SPAG16: variants seen among roughly 807,000 people sequenced by gnomAD.
SPAG16 encodes the protein sperm-associated antigen 16 protein.
In SPAG16, 86 loss-of-function variants were observed where a neutral mutation model predicts 80.4. That is an observed-to-expected ratio of 1.07 (90% CI 0.90 to 1.28). The LOEUF is 1.28. SPAG16 is among the 50% of genes most tolerant of loss of function. The pLI, the probability that SPAG16 is intolerant of heterozygous loss-of-function variation, is 0.00. For missense variants in SPAG16, 870 were observed against 765.3 expected, an observed-to-expected ratio of 1.14 and a Z score of -1.61; for synonymous variants, 294 against 265.9, an observed-to-expected ratio of 1.11 and a Z score of -1.03.
intron 9 of SPAG16, among the ~76,000 whole-genome samples, chr2:213,388,907 A>G (rs1429501131): frequency 6.6e-6 from 1 of 151,994 alleles, no homozygotes; most frequent in East Asian, 1.9e-4. Context: ...TTTTGCAAAA[A>G]CATAAAAACC....
At chr2:213,921,555 G>A (rs1415205444) in intron 11 of SPAG16, among the ~76,000 whole-genome samples, 4 of 152,130 alleles carry the variant, frequency 2.6e-5, no homozygotes, top group East Asian at 1.9e-4. Context: ...TCATATGTAC[G>A]AATTTGATCC....
chr2:214,168,045 C>T (rs1319203811), intron 15 of SPAG16, among the ~76,000 whole-genome samples: 2 of 143,518 alleles, frequency 1.4e-5, no homozygotes, highest in Admixed American at 1.5e-4. Context: ...GGCTAAAGTG[C>T]AGTGGTGCCA....
intron 9 of SPAG16, among the ~76,000 whole-genome samples, chr2:213,440,966 G>T (rs1209572127): frequency 6.6e-6 from 1 of 152,164 alleles, no homozygotes; most frequent in Non-Finnish European, 1.5e-5. Flanking sequence ...TTAAGCCCCA[G>T]CATAGGAGAA....
At chr2:214,134,965 C>A (rs560786284) in intron 14 of SPAG16, among the ~76,000 whole-genome samples, 1 of 152,296 alleles carries the variant, frequency 6.6e-6, no homozygotes, top group African/African-American at 2.4e-5. Flanking sequence ...ATAAAAATGA[C>A]ACCTTCCTGC....
At chr2:214,124,042 G>C (rs1172453639) in intron 14 of SPAG16, among the ~76,000 whole-genome samples, 2 of 151,846 alleles carry the variant, frequency 1.3e-5, no homozygotes, top group African/African-American at 4.8e-5. Context: ...CAGTATAGAA[G>C]CACTAATCAA....
At chr2:213,292,627 G>A (rs1198137972) in intron 1 of SPAG16, among the ~76,000 whole-genome samples, 1 of 140,642 alleles carries the variant, frequency 7.1e-6, no homozygotes, top group African/African-American at 2.7e-5. Flanking sequence ...TCCCGCCACT[G>A]CACTCCAGCC....
chr2:213,767,611 G>A (rs2069005826), intron 10 of SPAG16, among the ~76,000 whole-genome samples: 1 of 151,404 alleles, frequency 6.6e-6, no homozygotes, highest in Non-Finnish European at 1.5e-5. Context: ...CTGGGCAATG[G>A]AGTGAGATCT....
At chr2:214,085,837 G>A (rs1302282267) in intron 13 of SPAG16, among the ~76,000 whole-genome samples, 1 of 152,182 alleles carries the variant, frequency 6.6e-6, no homozygotes, top group Non-Finnish European at 1.5e-5. Context: ...CTAATATGAA[G>A]TGGACATGGT....
intron 10 of SPAG16, among the ~76,000 whole-genome samples, chr2:213,716,124 CT>C (rs1326495058): frequency 4.6e-5 from 7 of 152,026 alleles, no homozygotes; most frequent in African/African-American, 1.7e-4. Flanking sequence ...ACTTTTAGTT[CT>C]TTTTTTATCT....
At chr2:214,137,280 A>G (rs142671652) in intron 14 of SPAG16, among the ~76,000 whole-genome samples, 82 of 152,244 alleles carry the variant, frequency 5.4e-4, no homozygotes, top group Admixed American at 1.4e-3. Context: ...TCATTGAACT[A>G]CATATTTTTT....
In SPAG16 at chr2:213,822,867, G is replaced by T. The variant is rs565537321; in HGVS notation, c.1071-39618G>T. On this transcript the variant is annotated intron_variant, in intron 10 of 15. Coordinates refer to ENST00000331683, the MANE Select transcript of SPAG16 (RefSeq NM_024532.5). ...CTGTGTTAGTTTGCTGAGGATGATG[G>T]CTTCCAGCTTCATCCATGTCCCTGC... Among the ~76,000 whole-genome samples the T allele has an allele frequency of 7.1e-4, 108 of 152,168 alleles. 1 individual carries two copies. The South Asian group carries it at 0.016, about 23-fold the overall frequency.
intron 7 of SPAG16, among the ~76,000 whole-genome samples, chr2:213,359,960 A>T (rs2065886147): frequency 6.6e-6 from 1 of 152,342 alleles, no homozygotes; most frequent in Middle Eastern, 3.4e-3. Context: ...AATATGGAAC[A>T]GTTAGTCCCA....
intron 10 of SPAG16, among the ~76,000 whole-genome samples, chr2:213,613,771 G>T (rs2061510523): frequency 1.3e-5 from 2 of 152,056 alleles, no homozygotes; most frequent in African/African-American, 4.8e-5. Flanking sequence ...TCCAGTTCTT[G>T]ATGCATAATA....
chr2:214,200,054 A>T (rs1315479337), intron 15 of SPAG16, among the ~76,000 whole-genome samples: 3 of 152,106 alleles, frequency 2.0e-5, no homozygotes, highest in African/African-American at 4.8e-5. Flanking sequence ...AAACAGCAAC[A>T]GTTTGTCTTC....
chr2:213,771,116 A>G (rs1421955846), intron 10 of SPAG16, among the ~76,000 whole-genome samples: 3 of 152,168 alleles, frequency 2.0e-5, no homozygotes, highest in African/African-American at 7.2e-5. Context: ...CAGCTTCACC[A>G]GGATCTGATG....
At chr2:213,345,194 G>T (rs2064909014) in intron 6 of SPAG16, among the ~76,000 whole-genome samples, 3 of 148,312 alleles carry the variant, frequency 2.0e-5, no homozygotes, top group Non-Finnish European at 4.4e-5. Flanking sequence ...AGAAGTGTCT[G>T]TTCATATCCT....
chr2:213,602,656 C>T (rs962193919), intron 10 of SPAG16, among the ~76,000 whole-genome samples: 2 of 152,144 alleles, frequency 1.3e-5, no homozygotes, highest in African/African-American at 4.8e-5. Flanking sequence ...GCAACAACAA[C>T]AACAAAAAGA....
chr2:213,329,433 A>C (rs1475359622), intron 5 of SPAG16, among the ~76,000 whole-genome samples: 2 of 152,180 alleles, frequency 1.3e-5, no homozygotes, highest in East Asian at 1.9e-4. Flanking sequence ...GACTCTTGTT[A>C]TGTTTTAGCA....
chr2:213,830,418 G>A (rs2073564579), intron 10 of SPAG16, among the ~76,000 whole-genome samples: 1 of 152,118 alleles, frequency 6.6e-6, no homozygotes, highest in South Asian at 2.1e-4. Context: ...ATGGTCTTTA[G>A]TGCCTCTTTC....
Sources: gnomAD v4.1 joint callset for allele counts (sites outside exome capture counted in the v4.1 genomes callset) on GRCh38, gnomAD v4.1.1 for gene constraint, MANE v1.5 for transcripts, NCBI Gene and HGNC (gene_info 2026-07-23, HGNC 2026-07-21) for gene names.